DENND5B: variants seen among roughly 807,000 people sequenced by gnomAD.
DENND5B encodes the protein DENN domain-containing protein 5B.
DENND5B carries 34 observed loss-of-function variants against 140.6 expected under a neutral mutation model. That is an observed-to-expected ratio of 0.24 (90% CI 0.18 to 0.32). The LOEUF (loss-of-function observed/expected upper bound fraction) is 0.32, where lower values mean the gene tolerates loss of function less well. DENND5B is among the 10% of genes least tolerant of loss of function. The pLI is 1.00. For missense variants in DENND5B, 1,142 were observed against 1,560.2 expected (o/e 0.73, Z 4.52); for synonymous variants, 551 against 562.1 (o/e 0.98, Z 0.28).
At chr12:31,473,608 T>C (rs1211557316) in intron 3 of DENND5B, among the ~76,000 whole-genome samples, 1 of 152,182 alleles carries the variant, frequency 6.6e-6, no homozygotes, top group Non-Finnish European at 1.5e-5. Context: ...TGCCTCCCAG[T>C]GACAACTATC....
chr12:31,500,127 T>C (rs745427144), intron 1 of DENND5B, among the ~76,000 whole-genome samples: 1 of 152,194 alleles, frequency 6.6e-6, no homozygotes, highest in Non-Finnish European at 1.5e-5. Context: ...AATTAGAAAA[T>C]TGGAATACTG....
At chr12:31,474,575 C>T (rs372095748) in intron 3 of DENND5B, among the ~76,000 whole-genome samples, 205 of 152,306 alleles carry the variant, frequency 1.3e-3, no homozygotes, top group African/African-American at 4.6e-3. Flanking sequence ...TCAAATCAGT[C>T]TAGAAGGACA....
rs1291405650 is a variant in DENND5B at position 31,383,371 on chromosome 12, C to T, written c.*4232G>A. On this transcript the variant is annotated 3_prime_UTR_variant, in exon 21 of 21. Coordinates refer to ENST00000389082, the MANE Select transcript of DENND5B (RefSeq NM_144973.4). ...TAAGCTGTTGTATAGTCTTGAACCT[C>T]TTTTTCACTTACATTTACATATAAC... is the stretch of plus-strand genomic sequence containing the variant. 7 of 152,084 alleles carry T rather than the reference C, an allele frequency of 4.6e-5. No homozygotes were observed. The South Asian group carries it at 1.5e-3, about 32-fold the overall frequency. The allele number at this position is 152,084 out of a possible 1,614,324, so 9.4% of individuals were successfully genotyped here.
chr12:31,568,202 A>G (rs1949696155), intron 1 of DENND5B, among the ~76,000 whole-genome samples: 1 of 152,220 alleles, frequency 6.6e-6, no homozygotes, highest in African/African-American at 2.4e-5. Context: ...ACTGTATAAA[A>G]TTACCTTCAG....
chr12:31,431,787 A>T (rs1943522593), intron 8 of DENND5B, among the ~76,000 whole-genome samples: 1 of 152,144 alleles, frequency 6.6e-6, no homozygotes, highest in Admixed American at 6.5e-5. Flanking sequence ...CACAAAAAAA[A>T]TCCCACTGAT....
At chr12:31,485,816 C>G (rs1946284602) in intron 2 of DENND5B, among the ~76,000 whole-genome samples, 1 of 152,090 alleles carries the variant, frequency 6.6e-6, no homozygotes. Flanking sequence ...AAAAGTTTAG[C>G]TAGCCTGAAG....
chr12:31,471,461 A>ATTT (rs747862984), intron 3 of DENND5B, among the ~76,000 whole-genome samples: 11,527 of 111,768 alleles, frequency 0.1, 1,139 homozygotes, highest in East Asian at 0.24. Context: ...CCATGCCTGT[A>ATTT]TTTTTTTTTT....
At chr12:31,507,170 CCAGA>C (rs1205153148) in intron 1 of DENND5B, among the ~76,000 whole-genome samples, 3 of 152,046 alleles carry the variant, frequency 2.0e-5, no homozygotes, top group East Asian at 1.9e-4. Context: ...CAGACAAAGA[CCAGA>C]CAAATTCCTT....
At chr12:31,406,711 C>A (rs1942140778) in intron 14 of DENND5B, among the ~76,000 whole-genome samples, 1 of 152,152 alleles carries the variant, frequency 6.6e-6, no homozygotes, top group African/African-American at 2.4e-5. Flanking sequence ...TTAAAAATTT[C>A]TTTCATGAAG....
Position 31,484,645 on chromosome 12 carries a change from C to A in DENND5B, c.238-4390G>T, listed in dbSNP as rs1269804407. ...GTGAAATCCTGTCTCTACTAAAATA[C>A]AAAAAATTAGCAGGGCGTGGTGGCA... On this transcript the variant is annotated intron_variant, in intron 2 of 20. Transcript: ENST00000389082. Among the ~76,000 whole-genome samples, 4 of 151,920 alleles carry A rather than the reference C, an allele frequency of 2.6e-5. No homozygotes were observed. The East Asian group carries it at 7.8e-4, about 30-fold the overall frequency.
At chr12:31,550,221 C>A (rs1309225311) in intron 1 of DENND5B, among the ~76,000 whole-genome samples, 31 of 112,336 alleles carry the variant, frequency 2.8e-4, no homozygotes, top group African/African-American at 9.7e-4. Flanking sequence ...CCCCTCCCCC[C>A]ACCCCACAAC....
intron 3 of DENND5B, among the ~76,000 whole-genome samples, chr12:31,475,523 C>T (rs1043276747): frequency 3.9e-5 from 6 of 152,046 alleles, no homozygotes; most frequent in South Asian, 4.1e-4. Flanking sequence ...TGAGGCAGGA[C>T]GATCGCTTGA....
intron 1 of DENND5B, among the ~76,000 whole-genome samples, chr12:31,526,522 C>A (rs1168376968): frequency 6.6e-6 from 1 of 152,146 alleles, no homozygotes; most frequent in African/African-American, 2.4e-5. Context: ...GATGTGAATG[C>A]TGAGGCATAA....
At chr12:31,439,832 AG>A (rs1943946701) in intron 7 of DENND5B, among the ~76,000 whole-genome samples, 1 of 143,266 alleles carries the variant, frequency 7.0e-6, no homozygotes, top group Non-Finnish European at 1.5e-5. Flanking sequence ...AGGGAGGCTG[AG>A]GCAGGAGAAT....
intron 20 of DENND5B, 124 bp downstream of exon 20, chr12:31,389,200 A>AG: frequency 1.0e-6 from 1 of 961,886 alleles, no homozygotes; most frequent in Non-Finnish European, 1.5e-6. Context: ...CTGTTTCAAA[A>AG]GAAAAAGTAA....
chr12:31,542,726 C>G lies in DENND5B; in HGVS notation c.128-46807G>C, dbSNP rs144706994. 3.7e-3 allele frequency among the ~76,000 whole-genome samples: 567 copies of G among 152,184 alleles called. 4 individuals carry two copies. Among genetic ancestry groups the G allele is most frequent in the African/African-American group, 0.011 (450 of 41,520 alleles). On this transcript the variant is annotated intron_variant, in intron 1 of 20. Coordinates refer to ENST00000389082, the MANE Select transcript of DENND5B (RefSeq NM_144973.4). ...ATCCCAACACTTTGGGAGGCCAAAA[C>G]GGGTGGATTCTTTGAGCCCAGGAGT... is the stretch of plus-strand genomic sequence containing the variant.
At chr12:31,405,805 C>G (rs1046954453) in intron 14 of DENND5B, among the ~76,000 whole-genome samples, 1 of 151,754 alleles carries the variant, frequency 6.6e-6, no homozygotes, top group East Asian at 1.9e-4. Flanking sequence ...CAAGGCCTCC[C>G]AAAGTGCTGG....
At chr12:31,570,948 G>A (rs1949802879) in intron 1 of DENND5B, among the ~76,000 whole-genome samples, 1 of 152,004 alleles carries the variant, frequency 6.6e-6, no homozygotes, top group Non-Finnish European at 1.5e-5. Flanking sequence ...AGCAACAAAA[G>A]CCAAAACATA....
chr12:31,534,323 CTTTTTA>C (rs1004351734), intron 1 of DENND5B, among the ~76,000 whole-genome samples: 4 of 151,918 alleles, frequency 2.6e-5, no homozygotes, highest in South Asian at 4.2e-4. Flanking sequence ...CGATACTCAG[CTTTTTA>C]TTTTTATTTT....
Sources: allele counts gnomAD v4.1 joint callset (sites outside exome capture counted in the v4.1 genomes callset), GRCh38; gene constraint gnomAD v4.1.1; transcripts MANE v1.5; gene names NCBI Gene and HGNC (gene_info 2026-07-23, HGNC 2026-07-21).